The following PDGFD variants were observed in gnomAD, a reference collection of about 807,000 sequenced individuals.
The protein encoded by PDGFD is platelet derived growth factor D.
A neutral mutation model predicts 44.7 loss-of-function variants in PDGFD; 30 were observed. The ratio of observed to expected loss-of-function variants is 0.67; its 90% confidence interval spans 0.50 to 0.91. The LOEUF is 0.91. Among genes scored for constraint, PDGFD ranks in the 40% least tolerant of loss-of-function variants. PDGFD has a pLI of 0.00. For synonymous variants in PDGFD, 173 were observed against 168.4 expected, an observed-to-expected ratio of 1.03 and a Z score of -0.21; for missense variants, 445 against 457.8, an observed-to-expected ratio of 0.97 and a Z score of 0.25.
rs74634993 is a variant in PDGFD, at chr11:104,092,873, T to C, written c.124+70931A>G. Among the ~76,000 whole-genome samples, 550 of 152,326 alleles carry C rather than the reference T, an allele frequency of 3.6e-3. 6 individuals are homozygous for C. The highest frequency in any genetic ancestry group is 0.012 in the African/African-American group (502 of 41,570). ...TGTCCTGCATGCTTATTCCATCTCA[T>C]ATTTTTATGATTGATCCAAGTAAAG... On this transcript the variant is annotated intron_variant, in intron 1 of 6. Transcript: ENST00000393158.
At chr11:104,112,841 T>C (rs1214714712) in intron 1 of PDGFD, among the ~76,000 whole-genome samples, 1 of 151,858 alleles carries the variant, frequency 6.6e-6, no homozygotes, top group African/African-American at 2.4e-5. Flanking sequence ...TGGACACACA[T>C]GCAGAAAAAC....
In PDGFD at chr11:103,977,404, G is replaced by T. The variant is rs528107397; in HGVS notation, c.510+18661C>A. On this transcript the variant is annotated intron_variant, in intron 3 of 6. Coordinates refer to ENST00000393158, the MANE Select transcript of PDGFD (RefSeq NM_025208.5). ...GACACAATAAAAAAAGAAAATTTCA[G>T]GCCAATATCCCTGATGAACATCGAT... is the stretch of plus-strand genomic sequence containing the variant. Among the ~76,000 whole-genome samples, 17 of 152,168 alleles carry T rather than the reference G, an allele frequency of 1.1e-4. No individual in the cohort carries two copies. The South Asian group carries it at 3.5e-3, about 32-fold the overall frequency.
At chr11:104,121,526 AT>A (rs1194022107) in intron 1 of PDGFD, among the ~76,000 whole-genome samples, 1 of 152,068 alleles carries the variant, frequency 6.6e-6, no homozygotes, top group Admixed American at 6.6e-5. Context: ...TAGTCCAACA[AT>A]TTTGTGGAAC....
chr11:104,103,316 T>G (rs1362419741), intron 1 of PDGFD, among the ~76,000 whole-genome samples: 1 of 151,894 alleles, frequency 6.6e-6, no homozygotes, highest in Non-Finnish European at 1.5e-5. Context: ...TCTTGTATGT[T>G]TTTTCCTCAG....
chr11:104,006,068 A>G (rs1218792632), intron 1 of PDGFD, among the ~76,000 whole-genome samples: 1 of 152,152 alleles, frequency 6.6e-6, no homozygotes, highest in Non-Finnish European at 1.5e-5. Flanking sequence ...AGCTCACCCA[A>G]CCAAGTACCC....
chr11:104,088,337 A>AG (rs1227736620), intron 1 of PDGFD, among the ~76,000 whole-genome samples: 1 of 152,216 alleles, frequency 6.6e-6, no homozygotes, highest in Non-Finnish European at 1.5e-5. Context: ...TCCAGAGGTG[A>AG]GAATTATGTA....
intron 1 of PDGFD, among the ~76,000 whole-genome samples, chr11:104,095,881 A>C (rs1283515934): frequency 2.6e-5 from 4 of 152,150 alleles, no homozygotes; most frequent in African/African-American, 9.7e-5. Flanking sequence ...AATCCCTCTT[A>C]CTGATATATG....
Position 103,973,492 on chromosome 11 carries a change from G to A in PDGFD, c.510+22573C>T, listed in dbSNP as rs940891033. Among the ~76,000 whole-genome samples, 3 of 152,154 alleles carry A rather than the reference G, an allele frequency of 2.0e-5. No homozygotes were observed. In the East Asian group the frequency reaches 5.8e-4, roughly 29 times the overall value. ...GCCCCAACTTAAGAGGTAATGCTTG[G>A]AGTTTGGAAGGATCAGAAGTAGTTG... On this transcript the variant is annotated intron_variant, in intron 3 of 6. Transcript: ENST00000393158.
At chr11:104,149,728 A>C (rs1441464989) in intron 1 of PDGFD, among the ~76,000 whole-genome samples, 2 of 152,168 alleles carry the variant, frequency 1.3e-5, no homozygotes, top group African/African-American at 2.4e-5. Flanking sequence ...TTCCAGTTCC[A>C]GGGTCTCAGG....
chr11:103,916,786 A>G (rs1364723733), intron 6 of PDGFD, among the ~76,000 whole-genome samples: 5 of 152,212 alleles, frequency 3.3e-5, no homozygotes, highest in East Asian at 3.8e-4. Context: ...TGTCCTTTGC[A>G]GAGATATGGA....
chr11:103,953,057 G>A (rs1455540640), intron 3 of PDGFD, among the ~76,000 whole-genome samples: 1 of 152,144 alleles, frequency 6.6e-6, no homozygotes, highest in Non-Finnish European at 1.5e-5. Context: ...AAATATTTAT[G>A]TAAGTGTAGT....
chr11:104,021,192 T>C (rs761115885), intron 1 of PDGFD, among the ~76,000 whole-genome samples: 4 of 152,124 alleles, frequency 2.6e-5, no homozygotes, highest in Non-Finnish European at 5.9e-5. Context: ...TAGGAATGGA[T>C]TGATTATCTT....
chr11:104,055,271 T>A (rs576087145), intron 1 of PDGFD, among the ~76,000 whole-genome samples: 1 of 152,346 alleles, frequency 6.6e-6, no homozygotes, highest in South Asian at 2.1e-4. Context: ...GATGTGAGTT[T>A]GAATCTCTGG....
chr11:104,154,884 A>G (rs1321605241), intron 1 of PDGFD, among the ~76,000 whole-genome samples: 1 of 152,214 alleles, frequency 6.6e-6, no homozygotes, highest in Non-Finnish European at 1.5e-5. Flanking sequence ...TGAAAAGTCT[A>G]CAATATTTAC....
chr11:103,991,088 G>A (rs1421693302), intron 3 of PDGFD, among the ~76,000 whole-genome samples: 2 of 151,438 alleles, frequency 1.3e-5, no homozygotes, highest in African/African-American at 2.4e-5. Context: ...GCAGTGAGCC[G>A]AGATTGCACC....
chr11:103,942,247 C>G (rs1431795322), intron 5 of PDGFD, among the ~76,000 whole-genome samples: 1 of 152,030 alleles, frequency 6.6e-6, no homozygotes, highest in Non-Finnish European at 1.5e-5. Context: ...TGCAAACCAG[C>G]CTTTCGAGAC....
intron 1 of PDGFD, among the ~76,000 whole-genome samples, chr11:104,025,904 T>C (rs1448155378): frequency 7.2e-5 from 11 of 152,210 alleles, no homozygotes; most frequent in Admixed American, 7.2e-4. Flanking sequence ...TGTCCTTATT[T>C]TGACCTTTTC....
intron 6 of PDGFD, among the ~76,000 whole-genome samples, chr11:103,914,066 A>G (rs1341102651): frequency 6.6e-6 from 1 of 152,130 alleles, no homozygotes; most frequent in Non-Finnish European, 1.5e-5. Context: ...GCTTTACACC[A>G]CCCTCTGTAT....
intron 1 of PDGFD, among the ~76,000 whole-genome samples, chr11:104,092,983 T>C (rs1309680236): frequency 1.3e-5 from 2 of 152,062 alleles, no homozygotes; most frequent in Admixed American, 6.6e-5. Flanking sequence ...AAAAAGCAAA[T>C]AGAATCTACT....
Sources: gnomAD v4.1 joint callset for allele counts (sites outside exome capture counted in the v4.1 genomes callset) on GRCh38, gnomAD v4.1.1 for gene constraint, MANE v1.5 for transcripts, NCBI Gene and HGNC (gene_info 2026-07-23, HGNC 2026-07-21) for gene names.